The following PCSK5 variants were observed in gnomAD, a reference collection of about 807,000 sequenced individuals.
PCSK5 encodes prohormone convertase 5.
PCSK5 carries 129 observed loss-of-function variants against 233.2 expected under a neutral mutation model. The observed-to-expected ratio is 0.55, with a 90% CI of 0.48 to 0.64. The LOEUF is 0.64. PCSK5 is among the 30% of genes least tolerant of loss of function. The pLI is 0.00. For missense variants in PCSK5, 2,076 were observed against 2,430.1 expected (o/e 0.85, Z 3.06); for synonymous variants, 825 against 879.2 (o/e 0.94, Z 1.09).
chr9:76,255,887 C>A (rs964331738), intron 24 of PCSK5, among the ~76,000 whole-genome samples: 1 of 152,072 alleles, frequency 6.6e-6, no homozygotes, highest in African/African-American at 2.4e-5. Context: ...AAAACCAATG[C>A]CCAGGGAGCT....
intron 27 of PCSK5, among the ~76,000 whole-genome samples, chr9:76,301,537 C>T (rs1302067474): frequency 6.6e-5 from 10 of 152,124 alleles, no homozygotes; most frequent in Admixed American, 3.9e-4. Context: ...AATAAATATG[C>T]AAACCATTGA....
At chr9:76,095,741 C>T in intron 7 of PCSK5, 149 bp from the exon 8 acceptor site, 5 of 654,946 alleles carry the variant, frequency 7.6e-6, no homozygotes, top group Non-Finnish European at 1.4e-5. Context: ...ACCAACGCCT[C>T]TTACTCCACT....
intron 20 of PCSK5, chr9:76,193,404 TATTAAAAAGAAAAAA>T (rs1743658244): frequency 1.2e-6 from 1 of 856,022 alleles, no homozygotes; most frequent in Non-Finnish European, 1.5e-6. Context: ...TATTCCATAT[TATTAAAAAGAAAAAA>T]GCCAAAAAGA....
At chr9:76,124,959 G>T (rs2131724761) in intron 9 of PCSK5, among the ~76,000 whole-genome samples, 1 of 152,000 alleles carries the variant, frequency 6.6e-6, no homozygotes, top group South Asian at 2.1e-4. Flanking sequence ...TCCCTGCACT[G>T]TGTTTTCCAT....
chr9:75,955,120 A>G (rs1338655018), intron 2 of PCSK5, among the ~76,000 whole-genome samples: 2 of 152,314 alleles, frequency 1.3e-5, no homozygotes, highest in East Asian at 1.9e-4. Context: ...CTGTGCATTC[A>G]TAAACCTTCT....
chr9:76,322,629 A>G (rs1165571366), intron 31 of PCSK5, among the ~76,000 whole-genome samples: 1 of 152,238 alleles, frequency 6.6e-6, no homozygotes, highest in Non-Finnish European at 1.5e-5. Flanking sequence ...TACCTGATCA[A>G]TGAATGAAAA....
chr9:76,106,727 A>G (rs1831994756), intron 8 of PCSK5, among the ~76,000 whole-genome samples: 1 of 152,204 alleles, frequency 6.6e-6, no homozygotes, highest in Admixed American at 6.5e-5. Context: ...GTCCACAACC[A>G]AAGGTTCTTT....
intron 2 of PCSK5, among the ~76,000 whole-genome samples, chr9:75,967,056 G>C (rs1825618717): frequency 7.9e-6 from 1 of 126,562 alleles, no homozygotes; most frequent in Non-Finnish European, 1.7e-5. Context: ...GCAAATACAG[G>C]GTAACATTTC....
At chr9:76,192,566 C>G (rs1824449230) in intron 20 of PCSK5, among the ~76,000 whole-genome samples, 1 of 152,108 alleles carries the variant, frequency 6.6e-6, no homozygotes, top group African/African-American at 2.4e-5. Flanking sequence ...GCAGAGACAT[C>G]TGTTCAACCG....
At chr9:76,133,053 C>T (rs763090386) in intron 9 of PCSK5, among the ~76,000 whole-genome samples, 11 of 152,122 alleles carry the variant, frequency 7.2e-5, no homozygotes, top group Non-Finnish European at 1.3e-4. Flanking sequence ...AAAGACTACC[C>T]CAAGCCCCAT....
chr9:75,985,693 A>G (rs993801541), intron 2 of PCSK5, among the ~76,000 whole-genome samples: 2 of 152,200 alleles, frequency 1.3e-5, no homozygotes, highest in Non-Finnish European at 2.9e-5. Context: ...CAGTGCTGCA[A>G]TGGCAAAATG....
At chr9:75,907,361 A>G (rs1478690271) in intron 1 of PCSK5, among the ~76,000 whole-genome samples, 1 of 152,210 alleles carries the variant, frequency 6.6e-6, no homozygotes, top group African/African-American at 2.4e-5. Context: ...AAGTACAAAA[A>G]ATTCTATATA....
At chr9:76,005,171 C>A (rs1827423913) in intron 3 of PCSK5, among the ~76,000 whole-genome samples, 1 of 152,188 alleles carries the variant, frequency 6.6e-6, no homozygotes, top group Admixed American at 6.5e-5. Flanking sequence ...CTACTACCAA[C>A]CACAAACTTA....
At chr9:76,155,310 G>T (rs760736998) in intron 10 of PCSK5, among the ~76,000 whole-genome samples, 9 of 152,102 alleles carry the variant, frequency 5.9e-5, no homozygotes, top group Non-Finnish European at 1.5e-5. Flanking sequence ...TTATTTTCTG[G>T]TTTGCTAAGA....
chr9:76,309,552 CAT>C (rs967589367), intron 29 of PCSK5, among the ~76,000 whole-genome samples: 4 of 151,870 alleles, frequency 2.6e-5, no homozygotes, highest in African/African-American at 9.7e-5. Flanking sequence ...AAATTAGCCA[CAT>C]GTGTTGGCAC....
At chr9:76,332,381 G>A in intron 33 of PCSK5, 52 bp from the exon 34 acceptor site, 1 of 1,396,056 alleles carries the variant, frequency 7.2e-7, no homozygotes, top group Non-Finnish European at 1.0e-6. Flanking sequence ...AAATACAGGG[G>A]AGACATGTGT....
At chr9:76,174,031 TG>T (rs1401264934) in intron 13 of PCSK5, among the ~76,000 whole-genome samples, 2 of 152,098 alleles carry the variant, frequency 1.3e-5, no homozygotes, top group Non-Finnish European at 2.9e-5. Flanking sequence ...ATGATGGAAA[TG>T]CTGTCCAGTA....
intron 7 of PCSK5, among the ~76,000 whole-genome samples, chr9:76,074,107 C>A (rs1830565393): frequency 6.6e-6 from 1 of 152,056 alleles, no homozygotes; most frequent in African/African-American, 2.4e-5. Flanking sequence ...ATTTCCCCAC[C>A]CAACTGGGTA....
intron 16 of PCSK5, 69 bp from the exon 17 acceptor site, chr9:76,184,604 G>T: frequency 1.0e-6 from 1 of 1,001,004 alleles, no homozygotes; most frequent in South Asian, 1.4e-5. Context: ...GCAAGCATTA[G>T]AACATCTCTG....
Sources: allele counts gnomAD v4.1 joint callset (sites outside exome capture counted in the v4.1 genomes callset), GRCh38; gene constraint gnomAD v4.1.1; transcripts MANE v1.5; gene names NCBI Gene and HGNC (gene_info 2026-07-23, HGNC 2026-07-21).